The following OCIAD2 variants were observed in gnomAD, a reference collection of about 807,000 sequenced individuals.
OCIAD2 encodes OCIA domain containing 2.
A neutral mutation model predicts 22.9 loss-of-function variants in OCIAD2; 29 were observed. That is an observed-to-expected ratio of 1.27 (90% CI 0.94 to 1.73). The LOEUF is 1.73. Ranked by LOEUF, OCIAD2 falls within the 40% of genes most tolerant of loss-of-function variation. The pLI is 0.00. For missense variants in OCIAD2, 189 were observed against 180.3 expected (o/e 1.05, Z -0.28); for synonymous variants, 67 against 60.2 (o/e 1.11, Z -0.52).
intron 6 of OCIAD2, among the ~76,000 whole-genome samples, chr4:48,888,283 T>G (rs6447669): frequency 6.6e-6 from 1 of 152,176 alleles, no homozygotes; most frequent in Non-Finnish European, 1.5e-5. Flanking sequence ...CATCTGCAAA[T>G]AGGAACGATC....
At chr4:48,889,475 A>C (rs1781100805) in intron 6 of OCIAD2, among the ~76,000 whole-genome samples, 1 of 152,264 alleles carries the variant, frequency 6.6e-6, no homozygotes, top group Non-Finnish European at 1.5e-5. Context: ...TTAAAAGAAG[A>C]CATTTATGCA....
chr4:48,904,458 A>C, intron 2 of OCIAD2, 26 bp downstream of exon 2: 3 of 1,598,440 alleles, frequency 1.9e-6, no homozygotes, highest in Non-Finnish European at 2.6e-6. Context: ...CAATCAATGA[A>C]TCGATCAATA....
At chr4:48,888,121 T>C (rs1781045386) in intron 6 of OCIAD2, among the ~76,000 whole-genome samples, 1 of 152,242 alleles carries the variant, frequency 6.6e-6, no homozygotes, top group South Asian at 2.1e-4. Flanking sequence ...AGTTCACTCA[T>C]GATTTGGCTC....
intron 6 of OCIAD2, among the ~76,000 whole-genome samples, chr4:48,887,725 G>C (rs915826293): frequency 1.3e-5 from 2 of 152,164 alleles, no homozygotes; most frequent in African/African-American, 4.8e-5. Flanking sequence ...GTACCATGCT[G>C]TTTTGGTTAC....
At position 48,885,324 on chromosome 4, in the gene OCIAD2, G is replaced by A. The variant is rs1392218943; in HGVS notation, c.*160C>T. On this transcript the variant is annotated 3_prime_UTR_variant, in exon 7 of 7. Transcript: ENST00000508632. ...CTTAAAGAGCAGAAAAACATGTAAC[G>A]CTTAGTTCACTTGAAAGCCTTCCAC... 4.9e-6 allele frequency: 3 copies of A among 614,202 alleles called. No homozygotes were observed. Among genetic ancestry groups the A allele is most frequent in the Admixed American group, 2.6e-5 (1 of 38,182 alleles). The allele number at this position is 614,202 out of a possible 1,614,324, so 38.0% of individuals were successfully genotyped here.
intron 6 of OCIAD2, among the ~76,000 whole-genome samples, chr4:48,892,461 C>G (rs1022083392): frequency 3.9e-5 from 6 of 152,122 alleles, no homozygotes; most frequent in African/African-American, 1.4e-4. Context: ...AGTAAAGAAA[C>G]CTGTTAAAGT....
At chr4:48,903,632 AG>A (rs1781464097) in intron 2 of OCIAD2, among the ~76,000 whole-genome samples, 1 of 149,564 alleles carries the variant, frequency 6.7e-6, no homozygotes, top group Non-Finnish European at 1.5e-5. Context: ...GAGTAAAGAA[AG>A]GGTTTTTTTT....
intron 5 of OCIAD2, 25 bp from the exon 6 acceptor site, chr4:48,892,914 T>G: frequency 8.3e-7 from 1 of 1,201,838 alleles, no homozygotes; most frequent in Non-Finnish European, 1.2e-6. Context: ...TGGGAGAGAT[T>G]AGTTGAGAAT....
chr4:48,894,452 C>T lies in OCIAD2; in HGVS notation c.218-399G>A, dbSNP rs533586873. On this transcript the variant is annotated intron_variant, in intron 4 of 6. Coordinates refer to ENST00000508632, the MANE Select transcript of OCIAD2 (RefSeq NM_001014446.3). ...AGGTTGCAGTGAGCTGAGATGGCAC[C>T]GATGCACTCCAGCCTGGGTGACAGA... Among the ~76,000 whole-genome samples the T allele has an allele frequency of 1.2e-4, 18 of 151,922 alleles. 1 individual carries two copies. Among genetic ancestry groups the T allele is most frequent in the South Asian group, 2.1e-4 (1 of 4,808 alleles).
intron 6 of OCIAD2, among the ~76,000 whole-genome samples, chr4:48,890,224 T>C (rs1252909091): frequency 6.6e-6 from 1 of 151,990 alleles, no homozygotes; most frequent in East Asian, 1.9e-4. Context: ...CCTGCAATGT[T>C]GTGCACATGT....
At chr4:48,889,759 T>TATAC (rs1365605866) in intron 6 of OCIAD2, among the ~76,000 whole-genome samples, 2 of 152,240 alleles carry the variant, frequency 1.3e-5, no homozygotes, top group Non-Finnish European at 2.9e-5. Context: ...TTACTGGGTA[T>TATAC]ATACCCAAAG....
intron 6 of OCIAD2, among the ~76,000 whole-genome samples, chr4:48,886,284 T>C (rs1780984621): frequency 6.6e-6 from 1 of 152,216 alleles, no homozygotes; most frequent in Admixed American, 6.5e-5. Flanking sequence ...CATTGATCTA[T>C]ATCTCCTGTT....
At chr4:48,900,000 CAGGGA>C in intron 2 of OCIAD2, 75 bp from the exon 3 acceptor site, 7 of 1,038,482 alleles carry the variant, frequency 6.7e-6, no homozygotes, top group Non-Finnish European at 1.0e-5. Context: ...CAGAAGAGAA[CAGGGA>C]GGTCTCTTCA....
At chr4:48,887,888 G>A (rs969917110) in intron 6 of OCIAD2, among the ~76,000 whole-genome samples, 1 of 152,150 alleles carries the variant, frequency 6.6e-6, no homozygotes, top group Admixed American at 6.5e-5. Flanking sequence ...GTCATTGGTA[G>A]CTTGATGGGG....
rs768977621 is a variant in OCIAD2 at position 48,894,044 on chromosome 4, G to A, written c.227C>T (p.Ala76Val). Residue 76 changes from alanine (A) to valine (V), a missense_variant, in exon 5 of 7, where the codon GCA becomes GTA. Physicochemically the swap from Ala to Val is moderately conservative, Grantham distance 64. Transcript: ENST00000508632. ...TQGLVYQGYL[A>V]ANSRFGSLPK... ...CAATGATCCAAATCTAGAATTAGCT[G>A]CCAAATAACCTAAGGAGTAATAAAG... The A allele has an allele frequency of 2.7e-6, 4 of 1,494,844 alleles. No individual in the cohort carries two copies. Among genetic ancestry groups the A allele is most frequent in the Non-Finnish European group, 3.6e-6 (4 of 1,111,604 alleles). 92.6% of individuals were successfully genotyped at this position (1,494,844 alleles called of 1,614,324 possible).
In OCIAD2 at chr4:48,885,476, C is replaced by T. The variant is rs1342889882; in HGVS notation, c.*8G>A. 4.5e-6 allele frequency: 7 copies of T among 1,553,468 alleles called. No homozygotes were observed. The East Asian group carries it at 1.6e-4, about 35-fold the overall frequency. ...TTTAAAAAACTTCGAAAGTCACAGA[C>T]ACAGAATTTAGGAAGCTGAAGGCTG... On this transcript the variant is annotated 3_prime_UTR_variant, in exon 7 of 7. Coordinates refer to ENST00000508632, the MANE Select transcript of OCIAD2 (RefSeq NM_001014446.3).
At chr4:48,905,405 A>G (rs1781503308) in intron 1 of OCIAD2, among the ~76,000 whole-genome samples, 1 of 152,014 alleles carries the variant, frequency 6.6e-6, no homozygotes. Flanking sequence ...CCAAGGGAAT[A>G]TCGAAAAGAG....
chr4:48,892,793 C>T lies in OCIAD2; in HGVS notation c.362G>A (p.Gly121Asp). The change falls in exon 6 of 7, where the codon GGT becomes GAT. Residue 121 changes from glycine to aspartate, a missense_variant. Transcript: ENST00000508632. ...AAACCTGTTATGCTGTGGACCAAAACCAGCCCCACGGAGCTGATCTTCAAA... is the reference window on the plus strand; with the variant it reads ...AAACCTGTTATGCTGTGGACCAAAATCAGCCCCACGGAGCTGATCTTCAAA... ...HFFEDQLRGA[G>D]FGPQHNRHCL... The T allele has an allele frequency of 1.2e-6, 2 of 1,602,556 alleles. No homozygotes were observed. The highest frequency in any genetic ancestry group is 1.7e-6 in the Non-Finnish European group (2 of 1,170,842).
chr4:48,892,774 G>T lies in OCIAD2; in HGVS notation c.381C>A (p.Asn127Lys), dbSNP rs773172244. 2.0e-6 allele frequency: 3 copies of T among 1,531,016 alleles called. No individual in the cohort carries two copies. Among genetic ancestry groups the T allele is most frequent in the African/African-American group, 2.7e-5 (2 of 73,094 alleles). The allele number at this position is 1,531,016 out of a possible 1,614,324, so 94.8% of individuals were successfully genotyped here. ...CCTCAACCAAACAGATTACAAACCT[G>T]TTATGCTGTGGACCAAAACCAGCCC... ...LRGAGFGPQHNRHCLLTCEEC... is the reference protein window; with the variant it reads ...LRGAGFGPQHKRHCLLTCEEC... Residue 127 changes from asparagine (N) to lysine (K), a missense_variant and splice_region_variant, in exon 6 of 7, where the codon AAC becomes AAA. By Grantham distance (94) the Asn-to-Lys change is moderately conservative. Transcript: ENST00000508632.
Sources: allele counts gnomAD v4.1 joint callset (sites outside exome capture counted in the v4.1 genomes callset), GRCh38; gene constraint gnomAD v4.1.1; transcripts MANE v1.5; gene names NCBI Gene and HGNC (gene_info 2026-07-23, HGNC 2026-07-21).